Variants in STK3 observed in about 807,000 individuals in gnomAD.
STK3 encodes serine/threonine kinase 3.
A neutral mutation model predicts 58.0 loss-of-function variants in STK3; 41 were observed. The observed-to-expected ratio is 0.71, with a 90% CI of 0.55 to 0.92. The LOEUF is 0.92. Ranked by LOEUF, STK3 falls within the 40% of genes least tolerant of loss-of-function variation. The pLI, the probability that STK3 is intolerant of heterozygous loss-of-function variation, is 0.00. For synonymous variants in STK3, 170 were observed against 191.0 expected, an observed-to-expected ratio of 0.89 and a Z score of 0.91; for missense variants, 479 against 602.7, an observed-to-expected ratio of 0.79 and a Z score of 2.15.
At chr8:98,721,063 A>G in intron 4 of STK3, 1 of 982,156 alleles carries the variant, frequency 1.0e-6, no homozygotes, top group Non-Finnish European at 1.2e-6. Context: ...TGTAGAAGTA[A>G]GCACACTCAC....
chr8:98,585,319 G>A (rs185836829), intron 7 of STK3, among the ~76,000 whole-genome samples: 4 of 152,056 alleles, frequency 2.6e-5, no homozygotes, highest in East Asian at 1.9e-4. Flanking sequence ...CATATGACTA[G>A]CCAATTTTCC....
chr8:98,739,049 G>A (rs1030618529), intron 4 of STK3, among the ~76,000 whole-genome samples: 10 of 152,354 alleles, frequency 6.6e-5, no homozygotes, highest in Admixed American at 2.0e-4. Context: ...AGGGGCGCCC[G>A]CCATTGCCCA....
intron 1 of STK3, among the ~76,000 whole-genome samples, chr8:98,805,339 G>A (rs1043560263): frequency 6.6e-6 from 1 of 152,174 alleles, no homozygotes; most frequent in African/African-American, 2.4e-5. Context: ...CAGCACTTTG[G>A]GAGGCCGAGG....
At chr8:98,459,798 C>T (rs1196213628) in intron 10 of STK3, among the ~76,000 whole-genome samples, 2 of 152,168 alleles carry the variant, frequency 1.3e-5, no homozygotes, top group Admixed American at 6.5e-5. Context: ...GTTGGGCCTG[C>T]GAGTGCACAG....
At chr8:98,349,669 T>C in the STK3 span, among the ~76,000 whole-genome samples, 7 of 152,228 alleles carry the variant, frequency 4.6e-5, no homozygotes, top group African/African-American at 1.7e-4. Context: ...CTCTGAAATC[T>C]AGGCTGAGGT....
chr8:98,582,698 C>T (rs917968635), intron 7 of STK3, among the ~76,000 whole-genome samples: 2 of 152,020 alleles, frequency 1.3e-5, no homozygotes, highest in Non-Finnish European at 2.9e-5. Context: ...CATTTGTGGG[C>T]ATTTAATTCT....
At chr8:98,888,774 A>G (rs1838088358) in intron 1 of STK3, among the ~76,000 whole-genome samples, 1 of 152,256 alleles carries the variant, frequency 6.6e-6, no homozygotes, top group African/African-American at 2.4e-5. Flanking sequence ...TAGAACCTGA[A>G]AACGGAAATT....
At chr8:98,592,808 G>T (rs956250217) in intron 7 of STK3, among the ~76,000 whole-genome samples, 5 of 151,520 alleles carry the variant, frequency 3.3e-5, no homozygotes, top group African/African-American at 1.2e-4. Flanking sequence ...CTGTTGTCCA[G>T]GCTGGAGTGC....
At chr8:98,546,885 A>G (rs1233974391) in intron 9 of STK3, among the ~76,000 whole-genome samples, 1 of 152,162 alleles carries the variant, frequency 6.6e-6, no homozygotes, top group Non-Finnish European at 1.5e-5. Context: ...CAAAGTACAT[A>G]TGCAACCATA....
At position 98,797,967 on chromosome 8, in the gene STK3, C is replaced by T. The variant is rs532290981; in HGVS notation, c.27-23148G>A. ...AGCAGGGAGAGGAATAAAGTAGAAA[C>T]ATTTTGTGAACGATTAAAGAGCATA... On this transcript the variant is annotated intron_variant, in intron 1 of 10. Transcript: ENST00000419617. Among the ~76,000 whole-genome samples, 8 of 152,268 alleles carry T rather than the reference C, an allele frequency of 5.3e-5. No homozygotes were observed. The East Asian group carries it at 1.5e-3, about 29-fold the overall frequency.
chr8:98,398,644 C>T (rs1283981788), downstream of STK3, among the ~76,000 whole-genome samples: 2 of 152,136 alleles, frequency 1.3e-5, no homozygotes, highest in Non-Finnish European at 2.9e-5. Context: ...GGACACAGAC[C>T]TCACATTCCA....
chr8:98,380,278 T>A (rs1418531683), intron 1 of STK3, among the ~76,000 whole-genome samples: 3 of 152,162 alleles, frequency 2.0e-5, no homozygotes, highest in Non-Finnish European at 1.5e-5. Flanking sequence ...GGGATAGAAA[T>A]CATGTTAAGT....
chr8:98,430,355 A>AT (rs1377401939), intron 3 of STK3: 1 of 167,036 alleles, frequency 6.0e-6, no homozygotes, highest in Non-Finnish European at 1.5e-5. Context: ...TGAAATATTT[A>AT]TTTTTTAAGA....
At chr8:98,521,639 C>A (rs914194545) in intron 10 of STK3, among the ~76,000 whole-genome samples, 2 of 152,080 alleles carry the variant, frequency 1.3e-5, no homozygotes, top group Non-Finnish European at 2.9e-5. Context: ...ACCTTGCAAG[C>A]TTTCACCCTC....
intron 2 of STK3, among the ~76,000 whole-genome samples, chr8:98,376,237 T>A (rs766236865): frequency 5.3e-5 from 8 of 152,240 alleles, no homozygotes; most frequent in African/African-American, 7.2e-5. Flanking sequence ...GAAATGTCTG[T>A]TAATGTCTTT....
chr8:98,749,179 A>T (rs1339555969), intron 4 of STK3, 97 bp downstream of exon 4: 1 of 902,338 alleles, frequency 1.1e-6, no homozygotes, highest in Admixed American at 2.6e-5. Flanking sequence ...TTCTTTTTTC[A>T]TGCTATTATT....
At chr8:98,375,271 CAAA>C (rs10659549) in intron 2 of STK3, among the ~76,000 whole-genome samples, 2,730 of 138,310 alleles carry the variant, frequency 0.02, 75 homozygotes, top group African/African-American at 0.068. Flanking sequence ...AAAAAAAAAA[CAAA>C]AAAAAACAAA....
At chr8:98,841,259 C>T (rs1835969970) in intron 3 of STK3, among the ~76,000 whole-genome samples, 1 of 152,138 alleles carries the variant, frequency 6.6e-6, no homozygotes, top group South Asian at 2.1e-4. Context: ...GCTTGAGTAC[C>T]AAGAGATAAC....
chr8:98,900,665 C>CTTT (rs944171968), intron 1 of STK3, among the ~76,000 whole-genome samples: 1 of 141,488 alleles, frequency 7.1e-6, no homozygotes, highest in Non-Finnish European at 1.6e-5. Context: ...TTCTTTTTTT[C>CTTT]TTTTTTTTTT....
Sources: gnomAD v4.1 joint callset for allele counts (sites outside exome capture counted in the v4.1 genomes callset) on GRCh38, gnomAD v4.1.1 for gene constraint, MANE v1.5 for transcripts, NCBI Gene and HGNC (gene_info 2026-07-23, HGNC 2026-07-21) for gene names.